Variants in SBF2 observed in about 807,000 individuals in gnomAD.
SBF2 encodes SET binding factor 2, also known as myotubularin-related protein 13.
Under a neutral mutation model 225.2 loss-of-function variants are expected in SBF2, and 112 were observed. The ratio of observed to expected loss-of-function variants is 0.50; its 90% confidence interval spans 0.43 to 0.58. The LOEUF (loss-of-function observed/expected upper bound fraction) is 0.58, where lower values mean the gene tolerates loss of function less well. Among genes scored for constraint, SBF2 ranks in the 20% least tolerant of loss-of-function variants. The probability of loss-of-function intolerance (pLI) is 0.00; values close to 1 mark genes in which losing one functional copy is unlikely to be tolerated. For missense variants in SBF2, 1,996 were observed against 2,206.2 expected (o/e 0.90, Z 1.91); for synonymous variants, 763 against 773.3 (o/e 0.99, Z 0.22).
chr11:10,140,864 T>C (rs1954610824), intron 2 of SBF2, among the ~76,000 whole-genome samples: 1 of 152,214 alleles, frequency 6.6e-6, no homozygotes, highest in Non-Finnish European at 1.5e-5. Context: ...TTGGTTGATG[T>C]GGGAAAAATT....
intron 16 of SBF2, among the ~76,000 whole-genome samples, chr11:9,930,264 T>C (rs951058051): frequency 6.6e-6 from 1 of 152,210 alleles, no homozygotes; most frequent in Non-Finnish European, 1.5e-5. Context: ...CTAATATTTA[T>C]ACAATATATA....
At chr11:9,964,475 C>G (rs1866774278) in intron 14 of SBF2, among the ~76,000 whole-genome samples, 2 of 152,128 alleles carry the variant, frequency 1.3e-5, no homozygotes, top group African/African-American at 4.8e-5. Context: ...AGGCAAACAT[C>G]TATTTTAAAC....
At chr11:10,106,273 A>AAAT in intron 2 of SBF2, among the ~76,000 whole-genome samples, 1 of 152,210 alleles carries the variant, frequency 6.6e-6, no homozygotes, top group Non-Finnish European at 1.5e-5. Context: ...GAAAATAAAG[A>AAAT]AAAGACAGGG....
chr11:9,796,253 T>A (rs1282168771), intron 32 of SBF2, among the ~76,000 whole-genome samples: 1 of 152,012 alleles, frequency 6.6e-6, no homozygotes, highest in Non-Finnish European at 1.5e-5. Context: ...AAGCATAGGA[T>A]CAGCAAGATT....
intron 1 of SBF2, among the ~76,000 whole-genome samples, chr11:10,207,426 A>G (rs1050403836): frequency 2.0e-5 from 3 of 152,146 alleles, no homozygotes; most frequent in African/African-American, 4.8e-5. Context: ...GTCATCCTCA[A>G]TCTAGTACTT....
chr11:10,261,429 C>T (rs542832440), intron 1 of SBF2, among the ~76,000 whole-genome samples: 2 of 152,236 alleles, frequency 1.3e-5, no homozygotes, highest in South Asian at 4.1e-4. Context: ...TCTGAAACTC[C>T]TAGGCTCAGG....
intron 2 of SBF2, among the ~76,000 whole-genome samples, chr11:10,148,128 C>T (rs980365868): frequency 4.6e-5 from 7 of 151,956 alleles, no homozygotes; most frequent in African/African-American, 1.7e-4. Context: ...CTATATAATA[C>T]GAAGTTTACT....
At chr11:9,796,969 C>T (rs533104588) in intron 32 of SBF2, among the ~76,000 whole-genome samples, 16 of 152,284 alleles carry the variant, frequency 1.1e-4, no homozygotes, top group African/African-American at 2.9e-4. Context: ...CTGTGACACT[C>T]CCTAGTCTGC....
At chr11:9,784,299 G>C in intron 38 of SBF2, 52 bp downstream of exon 38, 1 of 1,320,852 alleles carries the variant, frequency 7.6e-7, no homozygotes, top group East Asian at 2.3e-5. Flanking sequence ...AATAGCCAGG[G>C]ACTGGGACTA....
intron 16 of SBF2, among the ~76,000 whole-genome samples, chr11:9,931,036 C>T (rs1009196620): frequency 1.3e-5 from 2 of 152,252 alleles, no homozygotes; most frequent in Non-Finnish European, 2.9e-5. Flanking sequence ...TTTGAGGTGG[C>T]AGCCTGGCTG....
intron 6 of SBF2, among the ~76,000 whole-genome samples, chr11:10,004,583 A>C (rs532188161): frequency 6.7e-6 from 1 of 148,382 alleles, no homozygotes; most frequent in African/African-American, 2.4e-5. Context: ...TTAAAAAAAA[A>C]AAAAAAAAAA....
chr11:9,902,535 G>T (rs1403868255), intron 16 of SBF2, among the ~76,000 whole-genome samples: 1 of 152,098 alleles, frequency 6.6e-6, no homozygotes, highest in Non-Finnish European at 1.5e-5. Context: ...ACCGGGCTGT[G>T]GTCACTCCTA....
intron 38 of SBF2, among the ~76,000 whole-genome samples, chr11:9,784,025 G>C (rs769183241): frequency 2.6e-4 from 39 of 152,112 alleles, no homozygotes; most frequent in Non-Finnish European, 5.1e-4. Context: ...AAAACCTCAG[G>C]AATCCCCTCA....
chr11:9,913,986 T>A (rs189043514), intron 16 of SBF2, among the ~76,000 whole-genome samples: 28 of 152,358 alleles, frequency 1.8e-4, no homozygotes, highest in African/African-American at 6.5e-4. Context: ...ACAGGCATTA[T>A]GAGCCACCAC....
chr11:10,099,080 A>C (rs189026718), intron 2 of SBF2, among the ~76,000 whole-genome samples: 258 of 152,304 alleles, frequency 1.7e-3, no homozygotes, highest in Non-Finnish European at 2.8e-3. Flanking sequence ...AAAACTATCC[A>C]AATCTTGAGA....
intron 13 of SBF2, among the ~76,000 whole-genome samples, chr11:9,987,359 T>C (rs1455951308): frequency 1.3e-5 from 2 of 151,944 alleles, no homozygotes; most frequent in Non-Finnish European, 2.9e-5. Context: ...CTCTGAGAAC[T>C]GGAACAAGTG....
chr11:10,214,674 C>T (rs1958063943), intron 1 of SBF2, among the ~76,000 whole-genome samples: 1 of 152,122 alleles, frequency 6.6e-6, no homozygotes, highest in South Asian at 2.1e-4. Flanking sequence ...CATATCTTTA[C>T]TTTCCTAAAT....
rs143943771 is a variant in SBF2, at chr11:9,961,825, T to C, written c.1860+132A>G. On this transcript the variant is annotated intron_variant, in intron 16 of 39. Coordinates refer to ENST00000256190, the MANE Select transcript of SBF2 (RefSeq NM_030962.4). Reference sequence around the variant, plus strand: ...ATAAAAAAGTATTTGACAGAAATGATAGAGATACTGACGCTTCATCCTATT... The same window carrying C: ...ATAAAAAAGTATTTGACAGAAATGACAGAGATACTGACGCTTCATCCTATT... 48 of 682,116 alleles carry C rather than the reference T, an allele frequency of 7.0e-5. No homozygotes were observed. In the East Asian group the frequency reaches 1.2e-3, roughly 16 times the overall value. The allele number at this position is 682,116 out of a possible 1,614,324, so 42.3% of individuals were successfully genotyped here. A position where few individuals can be genotyped will look rare whatever the true frequency, so the allele number is the denominator to read the frequency against.
intron 13 of SBF2, among the ~76,000 whole-genome samples, chr11:9,989,082 A>G (rs78411681): frequency 0.033 from 5,047 of 151,888 alleles, 325 homozygotes; most frequent in East Asian, 0.19. Flanking sequence ...ACATACACAC[A>G]CACACGTACA....
Sources: gnomAD v4.1 joint callset for allele counts (sites outside exome capture counted in the v4.1 genomes callset) on GRCh38, gnomAD v4.1.1 for gene constraint, MANE v1.5 for transcripts, NCBI Gene and HGNC (gene_info 2026-07-23, HGNC 2026-07-21) for gene names.